Variants in TARS1 observed in about 807,000 individuals in gnomAD.
The protein encoded by TARS1 is threonyl-tRNA synthetase 1.
A neutral mutation model predicts 97.7 loss-of-function variants in TARS1; 57 were observed. The ratio of observed to expected loss-of-function variants is 0.58; its 90% CI spans 0.47 to 0.73. TARS1 has a LOEUF of 0.73. Ranked by LOEUF, TARS1 falls within the 30% of genes least tolerant of loss-of-function variation. The pLI is 0.00. For synonymous variants in TARS1, 312 were observed against 293.7 expected (o/e 1.06, Z -0.64); for missense variants, 806 against 888.3 (o/e 0.91, Z 1.18).
chr5:33,443,214 A>C (rs939469059), intron 1 of TARS1, among the ~76,000 whole-genome samples: 2 of 151,960 alleles, frequency 1.3e-5, no homozygotes, highest in Admixed American at 6.5e-5. Flanking sequence ...CTATTACTTA[A>C]TGATACAAAT....
In TARS1 at chr5:33,441,039, C is replaced by G; in HGVS notation, c.-48C>G. 1 of 1,613,590 alleles carries G rather than the reference C, an allele frequency of 6.2e-7. No homozygotes were observed. Among genetic ancestry groups the G allele is most frequent in the Non-Finnish European group, 8.5e-7 (1 of 1,179,570 alleles). On this transcript the variant is annotated 5_prime_UTR_variant, in exon 1 of 19. Coordinates refer to ENST00000265112, the MANE Select transcript of TARS1 (RefSeq NM_152295.5). The stretch of plus-strand genomic sequence containing the variant: ...CTCCCACCCGCCTCTTGGCTCCTCT[C>G]CTCTAGGCCGTCGCTTTCGGGTTCT...
At chr5:33,459,526 A>G (rs112838270) in intron 10 of TARS1, among the ~76,000 whole-genome samples, 169 bp from the exon 11 acceptor site, 2 of 152,334 alleles carry the variant, frequency 1.3e-5, no homozygotes, top group African/African-American at 2.4e-5. Flanking sequence ...CCTTAGGTAC[A>G]TGTGCCAAGA....
chr5:33,444,702 A>G (rs1370136592), intron 1 of TARS1, among the ~76,000 whole-genome samples: 1 of 152,222 alleles, frequency 6.6e-6, no homozygotes, highest in Admixed American at 6.5e-5. Flanking sequence ...GTGTACACAT[A>G]GGACACATTT....
At chr5:33,454,598 A>G (rs1741921486) in intron 4 of TARS1, among the ~76,000 whole-genome samples, 1 of 152,260 alleles carries the variant, frequency 6.6e-6, no homozygotes, top group South Asian at 2.1e-4. Flanking sequence ...CATTGACTCA[A>G]AAGAACCTGG....
chr5:33,466,402 A>AG (rs983594774), intron 17 of TARS1, among the ~76,000 whole-genome samples: 11 of 152,076 alleles, frequency 7.2e-5, no homozygotes, highest in Non-Finnish European at 1.5e-4. Context: ...AAAAAAAAAA[A>AG]CTTTCTGATA....
intron 1 of TARS1, 43 bp downstream of exon 1, chr5:33,441,186 A>G (rs1741071645): frequency 1.9e-6 from 3 of 1,609,400 alleles, no homozygotes; most frequent in Non-Finnish European, 2.6e-6. Context: ...CTGGGACTCT[A>G]GTGGGTGCAG....
chr5:33,448,261 A>G (rs1741519240), intron 2 of TARS1, among the ~76,000 whole-genome samples: 1 of 152,230 alleles, frequency 6.6e-6, no homozygotes, highest in Admixed American at 6.5e-5. Flanking sequence ...GTTAGAAAAG[A>G]TCCTAAGAAG....
chr5:33,455,559 G>T (rs1423284645), intron 5 of TARS1, 28 bp from the exon 6 acceptor site: 3 of 1,459,876 alleles, frequency 2.1e-6, no homozygotes, highest in Non-Finnish European at 2.8e-6. Context: ...CGAATGGAAT[G>T]AAAAGATTAT....
intron 16 of TARS1, 105 bp downstream of exon 16, chr5:33,462,308 C>G: frequency 9.4e-7 from 1 of 1,059,494 alleles, no homozygotes; most frequent in Non-Finnish European, 1.4e-6. Flanking sequence ...TGATTCCAAT[C>G]GGTTGCTTCT....
At chr5:33,454,254 G>T in intron 4 of TARS1, among the ~76,000 whole-genome samples, 1 of 152,180 alleles carries the variant, frequency 6.6e-6, no homozygotes, top group East Asian at 1.9e-4. Flanking sequence ...AGTGATGATT[G>T]TTCACTTATG....
chr5:33,463,745 T>A lies in TARS1; in HGVS notation c.1836-8T>A. 6.2e-7 allele frequency: 1 copy of A among 1,608,858 alleles called. No homozygotes were observed. The highest frequency in any genetic ancestry group is 8.5e-7 in the Non-Finnish European group (1 of 1,176,894). On this transcript the variant is annotated splice_region_variant and splice_polypyrimidine_tract_variant and intron_variant, in intron 16 of 18. Transcript: ENST00000265112. ...ATCTACACTGAATATTTTTATTCTC[T>A]TCCAAAGGCCCTTTTGGCTGTCCCC...
At chr5:33,455,553 T>C (rs753786228) in intron 5 of TARS1, 34 bp from the exon 6 acceptor site, 5 of 1,396,080 alleles carry the variant, frequency 3.6e-6, no homozygotes, top group Non-Finnish European at 4.9e-6. Context: ...GTGATTCGAA[T>C]GGAATGAAAA....
intron 8 of TARS1, among the ~76,000 whole-genome samples, chr5:33,456,910 C>T (rs1742043005): frequency 6.6e-6 from 1 of 152,206 alleles, no homozygotes; most frequent in Admixed American, 6.5e-5. Flanking sequence ...AGTCCTCCTG[C>T]CTTAGCCTCC....
intron 5 of TARS1, 23 bp downstream of exon 5, chr5:33,455,089 A>G (rs753102771): frequency 1.9e-6 from 3 of 1,612,494 alleles, no homozygotes; most frequent in Non-Finnish European, 2.5e-6. Flanking sequence ...CTAGATAAAG[A>G]AAACTGAAGT....
At chr5:33,455,886 T>C in intron 6 of TARS1, 116 bp from the exon 7 acceptor site, 1 of 1,028,696 alleles carries the variant, frequency 9.7e-7, no homozygotes, top group Admixed American at 2.7e-5. Context: ...TTCAACATGT[T>C]TTTAAAACAT....
At chr5:33,465,037 G>A (rs1166281522) in intron 17 of TARS1, among the ~76,000 whole-genome samples, 2 of 152,166 alleles carry the variant, frequency 1.3e-5, no homozygotes, top group African/African-American at 4.8e-5. Context: ...CTGCACTCCA[G>A]CCTGGGTGAC....
chr5:33,458,045 T>C (rs542072581), intron 9 of TARS1, among the ~76,000 whole-genome samples: 1 of 152,252 alleles, frequency 6.6e-6, no homozygotes, highest in South Asian at 2.1e-4. Flanking sequence ...CTGAGGGCTT[T>C]TGGGCACTTG....
At chr5:33,459,114 T>A (rs1187220389) in intron 10 of TARS1, among the ~76,000 whole-genome samples, 2 of 152,154 alleles carry the variant, frequency 1.3e-5, no homozygotes, top group Non-Finnish European at 2.9e-5. Flanking sequence ...AAAAAATTAG[T>A]TGTTTAAAAA....
chr5:33,458,460 G>T, intron 9 of TARS1, 106 bp from the exon 10 acceptor site: 1 of 815,678 alleles, frequency 1.2e-6, no homozygotes, highest in Non-Finnish European at 1.9e-6. Flanking sequence ...TTGAAATATG[G>T]GACATCATGA....
Sources: allele counts gnomAD v4.1 joint callset (sites outside exome capture counted in the v4.1 genomes callset), GRCh38; gene constraint gnomAD v4.1.1; transcripts MANE v1.5; gene names NCBI Gene and HGNC (gene_info 2026-07-23, HGNC 2026-07-21).